DOK7: variants seen among roughly 807,000 people sequenced by gnomAD.
The protein encoded by DOK7 is docking protein 7, also known as protein Dok-7.
In DOK7, 32 loss-of-function variants were observed where a neutral mutation model predicts 30.7. The observed-to-expected ratio is 1.04, with a 90% CI of 0.79 to 1.40. The LOEUF is 1.40. DOK7 is among the 40% of genes most tolerant of loss of function. DOK7 has a pLI of 0.00. For missense variants in DOK7, 1,007 were observed against 699.2 expected, an observed-to-expected ratio of 1.44 and a Z score of -4.97; for synonymous variants, 447 against 324.1, an observed-to-expected ratio of 1.38 and a Z score of -4.07.
At chr4:3,477,987 C>T (rs1727205430) in intron 4 of DOK7, among the ~76,000 whole-genome samples, 1 of 152,156 alleles carries the variant, frequency 6.6e-6, no homozygotes, top group South Asian at 2.1e-4. Context: ...TGGGTGGGCC[C>T]AGCGTCCCTG....
At chr4:3,472,249 A>C (rs1341137790) in intron 2 of DOK7, among the ~76,000 whole-genome samples, 1 of 152,162 alleles carries the variant, frequency 6.6e-6, no homozygotes, top group East Asian at 1.9e-4. Context: ...GTCTGCGTCA[A>C]ATTCATTTGG....
At chr4:3,486,890 C>T (rs562818796) in intron 5 of DOK7, among the ~76,000 whole-genome samples, 1 of 152,226 alleles carries the variant, frequency 6.6e-6, no homozygotes, top group East Asian at 1.9e-4. Context: ...CTGAGCAGGG[C>T]TCCCTGCTCT....
At chr4:3,488,881 G>A (rs1387433976) in intron 5 of DOK7, among the ~76,000 whole-genome samples, 1 of 151,852 alleles carries the variant, frequency 6.6e-6, no homozygotes, top group Non-Finnish European at 1.5e-5. Flanking sequence ...CTGCTGTTTG[G>A]AGCAAGGTAG....
At chr4:3,496,934 G>C (rs1434996612), downstream of DOK7, 5 of 618,954 alleles carry the variant, frequency 8.1e-6, no homozygotes, top group Non-Finnish European at 1.2e-5. Context: ...GCAGATGGCA[G>C]CCAGAGTTTG....
At chr4:3,481,501 G>T (rs886419978) in intron 4 of DOK7, among the ~76,000 whole-genome samples, 1 of 152,072 alleles carries the variant, frequency 6.6e-6, no homozygotes, top group Non-Finnish European at 1.5e-5. Context: ...CAGAGGAGGG[G>T]TGGGAGCCAA....
chr4:3,477,571 G>T (rs4690104), intron 4 of DOK7, among the ~76,000 whole-genome samples: 33,597 of 152,276 alleles, frequency 0.22, 4,781 homozygotes, highest in East Asian at 0.53. Flanking sequence ...CTTGTGGCAG[G>T]AGCCAGCCCT....
Position 3,476,421 on chromosome 4 carries a change from C to A in DOK7, c.411C>A (p.Val137=), listed in dbSNP as rs778735205. 3.7e-6 allele frequency: 6 copies of A among 1,613,498 alleles called. No homozygotes were observed. Among genetic ancestry groups the A allele is most frequent in the South Asian group, 2.2e-5 (2 of 91,070 alleles). ...CTACCCTGCACCTCTGCAATGATGT[C>A]CTCGTCTTGGCCAGGGACATCCCCC... The part of the protein sequence containing the change: ...GPATLHLCND[V]LVLARDIPPA... Residue 137 remains valine, a synonymous_variant, in exon 4 of 7, where the codon GTC becomes GTA. Transcript: ENST00000340083.
intron 2 of DOK7, among the ~76,000 whole-genome samples, chr4:3,469,999 A>C (rs944639004): frequency 2.0e-5 from 3 of 152,192 alleles, no homozygotes; most frequent in Admixed American, 6.5e-5. Context: ...CCGACAGAAG[A>C]AAGCACCACA....
downstream of DOK7, among the ~76,000 whole-genome samples, chr4:3,495,428 C>T (rs765209455): frequency 5.3e-5 from 8 of 152,332 alleles, no homozygotes; most frequent in East Asian, 3.9e-4. Flanking sequence ...CACCCCACAG[C>T]GGTGGCCTGG....
intron 2 of DOK7, among the ~76,000 whole-genome samples, chr4:3,472,155 G>C (rs946518598): frequency 6.6e-6 from 1 of 152,394 alleles, no homozygotes; most frequent in African/African-American, 2.4e-5. Flanking sequence ...TGCGGGCTGT[G>C]GCCATGTGGC....
At chr4:3,476,849 A>G (rs1390870190) in intron 4 of DOK7, among the ~76,000 whole-genome samples, 1 of 152,252 alleles carries the variant, frequency 6.6e-6, no homozygotes, top group East Asian at 1.9e-4. Context: ...TCCAGATTTC[A>G]TGGAAAGGAA....
chr4:3,469,186 A>C (rs1297877190), intron 2 of DOK7, among the ~76,000 whole-genome samples: 2 of 140,322 alleles, frequency 1.4e-5, no homozygotes, highest in Non-Finnish European at 3.1e-5. Flanking sequence ...CGTCTGTGTG[A>C]GTGTGCATGT....
At chr4:3,484,509 G>T (rs955477138) in intron 4 of DOK7, 1 of 985,526 alleles carries the variant, frequency 1.0e-6, no homozygotes. Flanking sequence ...ACGCCAGCCG[G>T]AGTGTCCAGC....
chr4:3,490,396 G>GTCCTTCATTCCCCTCCTGCTCATTCAT (rs147752087), intron 6 of DOK7, among the ~76,000 whole-genome samples: 3 of 44,412 alleles, frequency 6.8e-5, no homozygotes, highest in Admixed American at 2.7e-4. Context: ...TGCTCATTCA[G>GTCCTTCATTCCCCTCCTGCTCATTCAT]TCCTTCTTTC....
chr4:3,473,282 TGA>T, intron 2 of DOK7, 122 bp from the exon 3 acceptor site: 1 of 884,008 alleles, frequency 1.1e-6, no homozygotes, highest in Non-Finnish European at 1.8e-6. Context: ...TTGGCATGGC[TGA>T]GTGGCTGGCT....
chr4:3,473,686 C>A (rs775403680), intron 3 of DOK7, 50 bp downstream of exon 3: 2 of 1,487,682 alleles, frequency 1.3e-6, no homozygotes, highest in East Asian at 2.5e-5. Flanking sequence ...TCAGGTGTGC[C>A]GGGGCCCCTC....
intron 3 of DOK7, among the ~76,000 whole-genome samples, chr4:3,475,267 A>G (rs934943876): frequency 6.6e-6 from 1 of 152,258 alleles, no homozygotes; most frequent in East Asian, 1.9e-4. Context: ...CCGCTGGCGC[A>G]GGGCCATGGC....
intron 5 of DOK7, among the ~76,000 whole-genome samples, chr4:3,488,302 C>G (rs190471834): frequency 6.6e-6 from 1 of 152,204 alleles, no homozygotes; most frequent in Admixed American, 6.5e-5. Flanking sequence ...CTCACCTGCC[C>G]GTGGGGAGGG....
In DOK7 at chr4:3,489,713, G is replaced by C. The variant is rs760941977; in HGVS notation, c.689G>C (p.Arg230Pro). 5 of 1,564,462 alleles carry C rather than the reference G, an allele frequency of 3.2e-6. No homozygotes were observed. The highest frequency in any genetic ancestry group is 4.3e-6 in the Non-Finnish European group (5 of 1,154,608). ...SPPGPSTVEE[R>P]VAQEALETLQ... ...CCGGGACCCTCGACTGTGGAGGAGCGTGTGGCCCAGGAAGCCCTGGAAACC... is the reference window on the plus strand; with the variant it reads ...CCGGGACCCTCGACTGTGGAGGAGCCTGTGGCCCAGGAAGCCCTGGAAACC... Residue 230 changes from arginine (R) to proline (P), a missense_variant, in exon 6 of 7, where the codon CGT becomes CCT. Coordinates refer to ENST00000340083, the MANE Select transcript of DOK7 (RefSeq NM_173660.5).
Sources: gnomAD v4.1 joint callset for allele counts (sites outside exome capture counted in the v4.1 genomes callset) on GRCh38, gnomAD v4.1.1 for gene constraint, MANE v1.5 for transcripts, NCBI Gene and HGNC (gene_info 2026-07-23, HGNC 2026-07-21) for gene names.